STK3: variants seen among roughly 807,000 people sequenced by gnomAD.
STK3 encodes the protein serine/threonine kinase 3.
In STK3, 41 loss-of-function variants were observed where a neutral mutation model predicts 58.0. The observed-to-expected ratio is 0.71, with a 90% CI of 0.55 to 0.92. The LOEUF (loss-of-function observed/expected upper bound fraction) is 0.92, where lower values mean the gene tolerates loss of function less well. Among genes scored for constraint, STK3 ranks in the 40% least tolerant of loss-of-function variants. The probability of loss-of-function intolerance (pLI) is 0.00; values close to 1 mark genes in which losing one functional copy is unlikely to be tolerated. For synonymous variants in STK3, 170 were observed against 191.0 expected (o/e 0.89, Z 0.91); for missense variants, 479 against 602.7 (o/e 0.79, Z 2.15).
downstream of STK3, among the ~76,000 whole-genome samples, chr8:98,451,527 T>G (rs1819197638): frequency 6.6e-6 from 1 of 152,186 alleles, no homozygotes; most frequent in Admixed American, 6.5e-5. Context: ...TTTAGGTAGC[T>G]TTATCAAGTG....
At chr8:98,893,486 G>GGAAGAGAAAGAAAGAA (rs1838311125) in intron 1 of STK3, among the ~76,000 whole-genome samples, 1 of 42,998 alleles carries the variant, frequency 2.3e-5, no homozygotes, top group Non-Finnish European at 4.3e-5. Context: ...AAGAAAGAAA[G>GGAAGAGAAAGAAAGAA]AGAAAGAAAG....
the STK3 span, among the ~76,000 whole-genome samples, chr8:98,356,900 C>A: frequency 3.9e-5 from 6 of 152,258 alleles, no homozygotes; most frequent in South Asian, 1.0e-3. Flanking sequence ...AGAACTGAAC[C>A]CTGAGCGTGG....
chr8:98,455,987 C>G lies in STK3; in HGVS notation c.1331G>C (p.Ser444Thr). ...DGDFDFLKNL[S>T]LEELQMRLKA... is the part of the protein sequence containing the mutation. ...TAACCGCATCTGTAGTTCTTCTAAA[C>G]TTAGATTTTTCAACTAGATACAGAA... The change falls in exon 11 of 11, where the codon AGT (serine) becomes ACT (threonine). Residue 444 changes from serine to threonine, a missense_variant. Physicochemically the swap from Ser to Thr is moderately conservative, Grantham distance 58. Coordinates refer to ENST00000419617, the MANE Select transcript of STK3 (RefSeq NM_006281.4). 1 of 1,608,172 alleles carries G rather than the reference C, an allele frequency of 6.2e-7. No individual in the cohort carries two copies. The highest frequency in any genetic ancestry group is 2.2e-5 in the East Asian group (1 of 44,806).
chr8:98,617,191 A>G (rs2130320362), intron 6 of STK3, among the ~76,000 whole-genome samples: 2 of 151,744 alleles, frequency 1.3e-5, no homozygotes, highest in South Asian at 4.2e-4. Context: ...TGGAAACTGA[A>G]CAACCTGCTC....
downstream of STK3, among the ~76,000 whole-genome samples, chr8:98,400,280 CG>C (rs1817930316): frequency 6.6e-6 from 1 of 152,174 alleles, no homozygotes. Flanking sequence ...AGAGCAAGCC[CG>C]TGAGCCCTGG....
At chr8:98,394,188 A>G (rs1410405857) in intron 3 of STK3, among the ~76,000 whole-genome samples, 3 of 152,220 alleles carry the variant, frequency 2.0e-5, no homozygotes, top group African/African-American at 7.2e-5. Context: ...AGAAGTGGCT[A>G]GAGAAGCATG....
chr8:98,779,775 A>C (rs1013338225), intron 1 of STK3, among the ~76,000 whole-genome samples: 2 of 152,180 alleles, frequency 1.3e-5, no homozygotes, highest in Non-Finnish European at 2.9e-5. Context: ...AATTACAGAG[A>C]TATAGCATAT....
At chr8:98,768,509 T>C (rs1831087396) in intron 2 of STK3, among the ~76,000 whole-genome samples, 2 of 152,230 alleles carry the variant, frequency 1.3e-5, no homozygotes, top group Admixed American at 6.5e-5. Context: ...AGTCATTTAA[T>C]TTGGTTTGGT....
At chr8:98,848,044 C>A (rs1016826217) in intron 3 of STK3, among the ~76,000 whole-genome samples, 9 of 152,156 alleles carry the variant, frequency 5.9e-5, no homozygotes, top group Admixed American at 2.6e-4. Flanking sequence ...TTTAAAAAAA[C>A]AGTTGTATAG....
At chr8:98,512,768 G>A (rs1347272073) in intron 10 of STK3, among the ~76,000 whole-genome samples, 2 of 152,100 alleles carry the variant, frequency 1.3e-5, no homozygotes, top group African/African-American at 4.8e-5. Context: ...AAAATAACTT[G>A]TATTAAAATT....
intron 1 of STK3, among the ~76,000 whole-genome samples, chr8:98,381,471 G>A (rs1279581551): frequency 6.6e-6 from 1 of 152,118 alleles, no homozygotes; most frequent in Non-Finnish European, 1.5e-5. Context: ...ACAGACATAC[G>A]TGACTCATTT....
chr8:98,458,432 T>C (rs1819675051), intron 10 of STK3, among the ~76,000 whole-genome samples: 1 of 152,148 alleles, frequency 6.6e-6, no homozygotes, highest in African/African-American at 2.4e-5. Flanking sequence ...TTGCTATTAC[T>C]ATTATTATTA....
At chr8:98,420,581 G>A (rs1041911599) in intron 3 of STK3, among the ~76,000 whole-genome samples, 2 of 152,150 alleles carry the variant, frequency 1.3e-5, no homozygotes, top group Non-Finnish European at 2.9e-5. Flanking sequence ...TTAAGTCCCT[G>A]GGATTTGGGG....
At chr8:98,549,377 C>T (rs931092926) in intron 8 of STK3, among the ~76,000 whole-genome samples, 20 of 152,222 alleles carry the variant, frequency 1.3e-4, no homozygotes, top group African/African-American at 3.4e-4. Context: ...GCAATCTTTT[C>T]GCACGCTTAT....
In STK3 at chr8:98,767,092, G is replaced by A. The variant is rs190861577; in HGVS notation, c.236+151C>T. 832 of 915,582 alleles carry A rather than the reference G, an allele frequency of 9.1e-4. 1 individual carries two copies. Among genetic ancestry groups the A allele is most frequent in the Admixed American group, 2.7e-3 (78 of 29,414 alleles). The allele number at this position is 915,582 out of a possible 1,614,324, so 56.7% of individuals were successfully genotyped here. On this transcript the variant is annotated intron_variant, in intron 3 of 10. Transcript: ENST00000419617. ...GCCGAGATGGCGCCATTGCACTCCA[G>A]CCTGGGCAACAACGGCAAAACCCTG...
intron 4 of STK3, among the ~76,000 whole-genome samples, chr8:98,734,111 C>T (rs902922731): frequency 2.0e-5 from 3 of 152,054 alleles, no homozygotes; most frequent in East Asian, 1.9e-4. Context: ...CAAGAACAGC[C>T]GGGGGAAATC....
At chr8:98,419,611 G>T (rs138078829) in intron 3 of STK3, among the ~76,000 whole-genome samples, 30 of 152,284 alleles carry the variant, frequency 2.0e-4, no homozygotes, top group African/African-American at 7.2e-4. Flanking sequence ...CTGGAGTGAG[G>T]TCCTTCCAGC....
intron 4 of STK3, among the ~76,000 whole-genome samples, chr8:98,729,453 A>C (rs192836859): frequency 2.6e-5 from 4 of 152,276 alleles, no homozygotes; most frequent in African/African-American, 9.6e-5. Flanking sequence ...TGTACCTAAA[A>C]ATGTGAGGTC....
intron 8 of STK3, among the ~76,000 whole-genome samples, chr8:98,561,889 T>C (rs1400743092): frequency 1.3e-5 from 2 of 152,084 alleles, no homozygotes; most frequent in East Asian, 1.9e-4. Flanking sequence ...GATATATAAA[T>C]GGCAAATAAG....
Sources: allele counts gnomAD v4.1 joint callset (sites outside exome capture counted in the v4.1 genomes callset), GRCh38; gene constraint gnomAD v4.1.1; transcripts MANE v1.5; gene names NCBI Gene and HGNC (gene_info 2026-07-23, HGNC 2026-07-21).